Variants in SLC9B1 observed in about 807,000 individuals in gnomAD.
SLC9B1 encodes sodium/hydrogen exchanger 9B1.
A neutral mutation model predicts 51.7 loss-of-function variants in SLC9B1; 32 were observed. The ratio of observed to expected loss-of-function variants is 0.62; its 90% confidence interval spans 0.47 to 0.83. The LOEUF (loss-of-function observed/expected upper bound fraction) is 0.83. SLC9B1 is among the 40% of genes least tolerant of loss of function. The pLI, the probability that SLC9B1 is intolerant of heterozygous loss-of-function variation, is 0.00. For synonymous variants in SLC9B1, 145 were observed against 212.7 expected, an observed-to-expected ratio of 0.68 and a Z score of 2.77; for missense variants, 406 against 613.2, an observed-to-expected ratio of 0.66 and a Z score of 3.57.
At chr4:102,947,898 C>A (rs547152914) in intron 4 of SLC9B1, among the ~76,000 whole-genome samples, 15 of 148,296 alleles carry the variant, frequency 1.0e-4, no homozygotes, top group Admixed American at 3.4e-4. Context: ...GTGAGCTCTA[C>A]ATACACTTTA....
At position 102,921,103 on chromosome 4, in the gene SLC9B1, T is replaced by C. The variant is rs1356304828; in HGVS notation, c.830-9566A>G. ...TTGAGAAGAGCAATTCCAAGAAACA[T>C]ACTTATCAGATTCACCAAGGTTGAA... On this transcript the variant is annotated intron_variant, in intron 7 of 11. Transcript: ENST00000296422. Among the ~76,000 whole-genome samples the C allele has an allele frequency of 2.0e-5, 3 of 152,242 alleles. No individual in the cohort carries two copies. In the East Asian group the frequency reaches 5.8e-4, roughly 29 times the overall value.
At chr4:102,941,623 G>C (rs1401297878) in intron 6 of SLC9B1, 2 of 125,544 alleles carry the variant, frequency 1.6e-5, no homozygotes, top group Non-Finnish European at 2.9e-5. Context: ...CTGGGCAACA[G>C]AGCAAGACTC....
chr4:102,922,798 A>C (rs1306408959), intron 7 of SLC9B1, among the ~76,000 whole-genome samples: 1 of 152,172 alleles, frequency 6.6e-6, no homozygotes, highest in African/African-American at 2.4e-5. Context: ...ATAAACTACA[A>C]CATCTAGAAG....
chr4:102,914,738 G>C (rs1409861516), intron 7 of SLC9B1, among the ~76,000 whole-genome samples: 1 of 152,096 alleles, frequency 6.6e-6, no homozygotes, highest in Non-Finnish European at 1.5e-5. Context: ...CAGCCTAAGA[G>C]ACTTATAGGA....
At chr4:102,957,024 G>T (rs1424973807) in intron 3 of SLC9B1, among the ~76,000 whole-genome samples, 2 of 152,106 alleles carry the variant, frequency 1.3e-5, no homozygotes, top group Non-Finnish European at 2.9e-5. Flanking sequence ...AAGTACAACA[G>T]TTAAAGTGAA....
intron 4 of SLC9B1, among the ~76,000 whole-genome samples, chr4:102,947,983 C>T (rs1450654957): frequency 6.6e-6 from 1 of 152,040 alleles, no homozygotes; most frequent in Admixed American, 6.6e-5. Context: ...GTGGTTATAG[C>T]GGTGATGGTT....
chr4:102,982,035 A>C (rs1739389730), intron 3 of SLC9B1, among the ~76,000 whole-genome samples: 1 of 151,930 alleles, frequency 6.6e-6, no homozygotes, highest in African/African-American at 2.4e-5. Context: ...TGTGTTTTAC[A>C]TTCAAGTCTA....
At chr4:102,928,186 T>C (rs1280386172) in intron 7 of SLC9B1, among the ~76,000 whole-genome samples, 1 of 152,150 alleles carries the variant, frequency 6.6e-6, no homozygotes, top group Non-Finnish European at 1.5e-5. Flanking sequence ...GTATCAAACC[T>C]GCATGTTGTG....
chr4:103,000,595 G>A (rs1024498277), intron 1 of SLC9B1, among the ~76,000 whole-genome samples: 5 of 152,228 alleles, frequency 3.3e-5, no homozygotes, highest in East Asian at 1.9e-4. Flanking sequence ...TGGGCCCCAC[G>A]TAAGTCTAAA....
intron 11 of SLC9B1, chr4:102,888,493 C>G (rs1214580915): frequency 2.6e-5 from 4 of 152,236 alleles, no homozygotes; most frequent in Admixed American, 1.3e-4. Flanking sequence ...CGTAATTGTA[C>G]CCACCCAGTT....
intron 7 of SLC9B1, among the ~76,000 whole-genome samples, chr4:102,920,392 C>T (rs1373914275): frequency 1.3e-5 from 2 of 152,146 alleles, no homozygotes; most frequent in African/African-American, 4.8e-5. Context: ...TACACCAAAA[C>T]CCCATCTGTA....
At chr4:102,907,227 A>G (rs1354735802) in intron 9 of SLC9B1, among the ~76,000 whole-genome samples, 1 of 152,146 alleles carries the variant, frequency 6.6e-6, no homozygotes, top group African/African-American at 2.4e-5. Context: ...CATGTTTCGT[A>G]TGAGTTCCAG....
At chr4:102,940,338 T>A (rs2110467580) in intron 6 of SLC9B1, among the ~76,000 whole-genome samples, 1 of 151,498 alleles carries the variant, frequency 6.6e-6, no homozygotes, top group South Asian at 2.1e-4. Context: ...TACAAACGAG[T>A]GCTCAAAGAA....
intron 3 of SLC9B1, among the ~76,000 whole-genome samples, chr4:102,971,784 C>T (rs1366320305): frequency 6.6e-6 from 1 of 151,744 alleles, no homozygotes; most frequent in Non-Finnish European, 1.5e-5. Context: ...CAAATAGATG[C>T]AATAAAAAAT....
intron 3 of SLC9B1, among the ~76,000 whole-genome samples, chr4:102,979,662 A>G (rs905152355): frequency 2.6e-5 from 4 of 152,178 alleles, no homozygotes; most frequent in Non-Finnish European, 2.9e-5. Flanking sequence ...TTGGCTCCTT[A>G]GTGTCTGTTC....
chr4:102,940,819 C>T (rs62327304), intron 6 of SLC9B1, among the ~76,000 whole-genome samples: 25 of 151,200 alleles, frequency 1.7e-4, no homozygotes, highest in South Asian at 4.2e-4. Flanking sequence ...GAAATAAAGC[C>T]GCACACCTAT....
At chr4:102,947,817 C>T (rs74631675) in intron 4 of SLC9B1, among the ~76,000 whole-genome samples, 182 of 142,832 alleles carry the variant, frequency 1.3e-3, no homozygotes, top group Middle Eastern at 3.6e-3. Flanking sequence ...AGCATATTTC[C>T]GGTCACAAAA....
At chr4:103,017,039 C>T (rs187859730) in intron 1 of SLC9B1, 1 of 152,284 alleles carries the variant, frequency 6.6e-6, no homozygotes, top group East Asian at 1.9e-4. Context: ...CTCCCACCGC[C>T]CTGGCTGCTC....
chr4:102,898,100 T>C, downstream of SLC9B1: 1 of 496,660 alleles, frequency 2.0e-6, no homozygotes, highest in Non-Finnish European at 4.0e-6. Flanking sequence ...AGATTGGTTA[T>C]TTAGAACTTC....
Sources: gnomAD v4.1 joint callset for allele counts (sites outside exome capture counted in the v4.1 genomes callset) on GRCh38, gnomAD v4.1.1 for gene constraint, MANE v1.5 for transcripts, NCBI Gene and HGNC (gene_info 2026-07-23, HGNC 2026-07-21) for gene names.